STON2: variants seen among roughly 807,000 people sequenced by gnomAD.
The protein encoded by STON2 is stonin-2.
A neutral mutation model predicts 65.7 loss-of-function variants in STON2; 29 were observed. The observed-to-expected ratio is 0.44, with a 90% CI of 0.33 to 0.60. The LOEUF (loss-of-function observed/expected upper bound fraction) is 0.60. Among genes scored for constraint, STON2 ranks in the 20% least tolerant of loss-of-function variants. The pLI, the probability that STON2 is intolerant of heterozygous loss-of-function variation, is 0.03. For synonymous variants in STON2, 404 were observed against 414.2 expected (o/e 0.98, Z 0.30); for missense variants, 1,054 against 1,118.1 (o/e 0.94, Z 0.82).
At chr14:81,299,258 G>C (rs1343386744) in intron 5 of STON2, among the ~76,000 whole-genome samples, 3 of 152,132 alleles carry the variant, frequency 2.0e-5, no homozygotes, top group African/African-American at 4.8e-5. Flanking sequence ...ACATATATGT[G>C]AGACTATCTC....
At chr14:81,387,069 G>A (rs750274661) in intron 3 of STON2, among the ~76,000 whole-genome samples, 4 of 152,046 alleles carry the variant, frequency 2.6e-5, no homozygotes, top group South Asian at 2.1e-4. Flanking sequence ...AGGACTCAAC[G>A]TGAATAAGAC....
At chr14:81,271,429 A>G (rs141109634) in intron 6 of STON2, among the ~76,000 whole-genome samples, 52 of 152,346 alleles carry the variant, frequency 3.4e-4, no homozygotes, top group African/African-American at 1.2e-3. Context: ...AACACTGGAC[A>G]AAACACCAAC....
intron 3 of STON2, among the ~76,000 whole-genome samples, chr14:81,379,379 TTAAA>T (rs1248435948): frequency 6.6e-6 from 1 of 151,920 alleles, no homozygotes; most frequent in African/African-American, 2.4e-5. Flanking sequence ...ATAAAGAAGA[TTAAA>T]TAAATGGAGA....
In STON2 at chr14:81,371,168, G is replaced by C. The variant is rs534726915; in HGVS notation, c.391C>G (p.Pro131Ala). 108 of 1,614,142 alleles carry C rather than the reference G, an allele frequency of 6.7e-5. 1 individual carries two copies. The South Asian group carries it at 1.1e-3, about 17-fold the overall frequency. Residue 131 changes from proline (P) to alanine (A), a missense_variant, in exon 4 of 8, where the codon CCC (proline) becomes GCC (alanine). Pro to Ala is a conservative substitution (Grantham distance 27, BLOSUM62 -1). Transcript: ENST00000614646. ...TCAAAGGAAGGGCATGTCCAGCAGG[G>C]CATGGTCAATGGTAGGGCTGGGGAG... is the stretch of plus-strand genomic sequence containing the variant. ...TAETALPLTM[P>A]CWTCPSFDSL...
intron 3 of STON2, 155 bp downstream of exon 3, chr14:81,395,739 A>T: frequency 1.4e-6 from 1 of 724,946 alleles, no homozygotes; most frequent in Non-Finnish European, 2.3e-6. Context: ...TTACAGAATT[A>T]AACCAGATGA....
At chr14:81,306,263 T>C (rs1595327292) in intron 5 of STON2, among the ~76,000 whole-genome samples, 1 of 119,930 alleles carries the variant, frequency 8.3e-6, no homozygotes, top group Non-Finnish European at 1.6e-5. Flanking sequence ...GGAGTTTCAC[T>C]CAGTCGCCCA....
At position 81,398,488 on chromosome 14, in the gene STON2, C is replaced by A; in HGVS notation, c.-106G>T. The A allele has an allele frequency of 1.2e-6, 1 of 811,212 alleles. No homozygotes were observed. Among genetic ancestry groups the A allele is most frequent in the South Asian group, 1.6e-5 (1 of 63,040 alleles). The allele number at this position is 811,212 out of a possible 1,614,324, so 50.3% of individuals were successfully genotyped here. A position where few individuals can be genotyped will look rare whatever the true frequency, so the allele number is the denominator to read the frequency against. On this transcript the variant is annotated 5_prime_UTR_variant, in exon 2 of 8. Transcript: ENST00000614646. The stretch of plus-strand genomic sequence containing the variant: ...GTATGGTAGTACGGTAGACTTGGGT[C>A]CAGGGTCTGTTCTAGGTGTCTTGCC...
intron 5 of STON2, among the ~76,000 whole-genome samples, chr14:81,302,277 A>G (rs182614589): frequency 6.6e-6 from 1 of 152,360 alleles, no homozygotes; most frequent in African/African-American, 2.4e-5. Context: ...GAGGCTAACA[A>G]TAAGTGTTAA....
intron 4 of STON2, among the ~76,000 whole-genome samples, chr14:81,331,978 T>A (rs1897232789): frequency 2.0e-5 from 3 of 152,198 alleles, no homozygotes; most frequent in Admixed American, 6.5e-5. Context: ...CAGTGGATCC[T>A]CCTTTAAAGC....
chr14:81,403,944 A>G (rs1027437953), upstream of STON2, among the ~76,000 whole-genome samples: 4 of 152,162 alleles, frequency 2.6e-5, no homozygotes, highest in Admixed American at 1.3e-4. Context: ...TAATGAAATT[A>G]TTTGCTAATG....
At chr14:81,311,365 T>C (rs1896420484) in intron 5 of STON2, among the ~76,000 whole-genome samples, 1 of 152,168 alleles carries the variant, frequency 6.6e-6, no homozygotes, top group Admixed American at 6.5e-5. Flanking sequence ...GAACCCCTGA[T>C]GTTGAGAAGC....
chr14:81,362,481 G>C (rs1339663139), intron 4 of STON2, among the ~76,000 whole-genome samples: 1 of 152,154 alleles, frequency 6.6e-6, no homozygotes, highest in South Asian at 2.1e-4. Context: ...AGAGCCTAGG[G>C]AGATGCAGGG....
At chr14:81,333,130 TA>T in intron 4 of STON2, 1 of 1,292,800 alleles carries the variant, frequency 7.7e-7, no homozygotes, top group Non-Finnish European at 1.1e-6. Flanking sequence ...CAAGAAATCA[TA>T]AATCATGCCA....
chr14:81,342,210 T>C (rs1170740429), intron 4 of STON2, among the ~76,000 whole-genome samples: 3 of 151,646 alleles, frequency 2.0e-5, no homozygotes, highest in East Asian at 1.9e-4. Context: ...TCTCGGCTCA[T>C]TGCAACCTCT....
chr14:81,302,114 T>C lies in STON2; in HGVS notation c.742+21903A>G, dbSNP rs140336194. ...AAAACATCAGGACTAATGGGAGTAG[T>C]AGCCACTCTGGACTGTGCCTGTCTG... On this transcript the variant is annotated intron_variant, in intron 5 of 7. Transcript: ENST00000614646. Among the ~76,000 whole-genome samples the C allele has an allele frequency of 2.4e-3, 366 of 152,324 alleles. 6 individuals carry two copies. Among genetic ancestry groups the C allele is most frequent in the African/African-American group, 8.4e-3 (349 of 41,576 alleles).
intron 2 of STON2, among the ~76,000 whole-genome samples, chr14:81,422,120 C>T (rs1901733072): frequency 6.6e-6 from 1 of 152,122 alleles, no homozygotes; most frequent in South Asian, 2.1e-4. Flanking sequence ...TTGGCCCTGC[C>T]AAGTCTCCTG....
At chr14:81,297,856 T>C (rs188451954) in intron 5 of STON2, among the ~76,000 whole-genome samples, 7 of 152,202 alleles carry the variant, frequency 4.6e-5, no homozygotes, top group Admixed American at 2.0e-4. Flanking sequence ...CTGACCAACA[T>C]GGAGAAACCC....
chr14:81,377,732 A>AT (rs1283316795), intron 3 of STON2, among the ~76,000 whole-genome samples: 1 of 152,196 alleles, frequency 6.6e-6, no homozygotes, highest in African/African-American at 2.4e-5. Flanking sequence ...TGAAAGGATC[A>AT]TTTTAATTTG....
intron 3 of STON2, among the ~76,000 whole-genome samples, chr14:81,373,962 C>T (rs188904323): frequency 4.8e-5 from 7 of 146,434 alleles, no homozygotes; most frequent in African/African-American, 1.8e-4. Flanking sequence ...GGTTAGTAGC[C>T]TCATGTATCT....
Sources: gnomAD v4.1 joint callset for allele counts (sites outside exome capture counted in the v4.1 genomes callset) on GRCh38, gnomAD v4.1.1 for gene constraint, MANE v1.5 for transcripts, NCBI Gene and HGNC (gene_info 2026-07-23, HGNC 2026-07-21) for gene names.